RORA: variants seen among roughly 807,000 people sequenced by gnomAD.
RORA encodes RAR related orphan receptor A.
A neutral mutation model predicts 69.5 loss-of-function variants in RORA; 7 were observed. That is an observed-to-expected ratio of 0.10 (90% CI 0.06 to 0.19). The LOEUF (loss-of-function observed/expected upper bound fraction) is 0.19, where lower values mean the gene tolerates loss of function less well. RORA is among the 10% of genes least tolerant of loss of function. The probability of loss-of-function intolerance (pLI) is 1.00; values close to 1 mark genes in which losing one functional copy is unlikely to be tolerated. For missense variants in RORA, 457 were observed against 663.0 expected (o/e 0.69, Z 3.41); for synonymous variants, 261 against 240.8 (o/e 1.08, Z -0.78).
chr15:61,053,848 GAT>G lies in RORA; in HGVS notation c.166+175203_166+175204del, dbSNP rs3053963. Reference sequence around the variant, plus strand: ...AGCATGAAGAGTGTTTAGACTTCATGATATATATATATATAAACATTCTTCAG... The same window carrying G: ...AGCATGAAGAGTGTTTAGACTTCATGATATATATATATAAACATTCTTCAG... On this transcript the variant is annotated intron_variant, in intron 1 of 10. Transcript: ENST00000335670. 2.0e-4 allele frequency among the ~76,000 whole-genome samples: 18 copies of G among 90,982 alleles called. 4 individuals carry two copies. Among genetic ancestry groups the G allele is most frequent in the South Asian group, 9.1e-4 (2 of 2,208 alleles). 59.7% of individuals were successfully genotyped at this position (90,982 alleles called of 152,430 possible). A position where few individuals can be genotyped will look rare whatever the true frequency, so the allele number is the denominator to read the frequency against.
At chr15:61,137,024 A>T (rs1459636440) in intron 1 of RORA, among the ~76,000 whole-genome samples, 1 of 34,698 alleles carries the variant, frequency 2.9e-5, no homozygotes, top group Non-Finnish European at 5.6e-5. Flanking sequence ...AATAAAAAAG[A>T]AAGAAAGAAA....
intron 1 of RORA, among the ~76,000 whole-genome samples, chr15:60,971,051 T>C (rs190809321): frequency 3.7e-3 from 557 of 152,260 alleles, no homozygotes; most frequent in Non-Finnish European, 5.5e-3. Flanking sequence ...CTTTCTTTGT[T>C]TTTGGATGAG....
At chr15:61,135,576 A>G in intron 1 of RORA, among the ~76,000 whole-genome samples, 1 of 71,704 alleles carries the variant, frequency 1.4e-5, no homozygotes, top group Non-Finnish European at 3.0e-5. Context: ...GTATTTCCAC[A>G]TCAAAAAAAA....
At chr15:61,119,092 G>GA (rs1427307038) in intron 1 of RORA, among the ~76,000 whole-genome samples, 2 of 146,052 alleles carry the variant, frequency 1.4e-5, no homozygotes, top group Admixed American at 6.8e-5. Flanking sequence ...GGGGGGGGGG[G>GA]GCGCCATGGA....
intron 1 of RORA, among the ~76,000 whole-genome samples, chr15:61,062,641 G>T (rs1378217135): frequency 2.0e-5 from 3 of 152,164 alleles, no homozygotes; most frequent in African/African-American, 7.2e-5. Flanking sequence ...GACTCTCTGG[G>T]AGCATTTGCA....
intron 1 of RORA, among the ~76,000 whole-genome samples, chr15:60,929,512 C>CAA (rs1892313779): frequency 6.6e-6 from 1 of 152,158 alleles, no homozygotes; most frequent in African/African-American, 2.4e-5. Flanking sequence ...GGAGATAATG[C>CAA]TAGGACAGCC....
chr15:60,861,437 G>T (rs1244122750), intron 1 of RORA, among the ~76,000 whole-genome samples: 5 of 152,172 alleles, frequency 3.3e-5, no homozygotes, highest in African/African-American at 9.7e-5. Flanking sequence ...TGGCTCACCA[G>T]TGTGGCATGG....
chr15:60,991,771 G>C (rs1894387735), intron 1 of RORA, among the ~76,000 whole-genome samples: 1 of 151,852 alleles, frequency 6.6e-6, no homozygotes, highest in South Asian at 2.1e-4. Flanking sequence ...ATCCGGCCTT[G>C]ATGCTGCAAG....
In RORA at chr15:60,547,382, G is replaced by A. The variant is rs975426112; in HGVS notation, c.197-15531C>T. ...TCTGTCACCCAGGCTGGAGTGCAGC[G>A]GCGTGATCTCGGCTCACTGCAACCT... On this transcript the variant is annotated intron_variant, in intron 2 of 10. Transcript: ENST00000335670. 6.6e-5 allele frequency among the ~76,000 whole-genome samples: 10 copies of A among 150,454 alleles called. No individual in the cohort carries two copies. The East Asian group carries it at 9.8e-4, about 15-fold the overall frequency.
intron 1 of RORA, among the ~76,000 whole-genome samples, chr15:61,073,419 T>C (rs1198358049): frequency 6.7e-6 from 1 of 149,766 alleles, no homozygotes; most frequent in South Asian, 2.1e-4. Flanking sequence ...AGGGTTGGAA[T>C]GGGCAGTGAA....
chr15:61,025,505 C>T (rs879900445), intron 1 of RORA, among the ~76,000 whole-genome samples: 10 of 152,128 alleles, frequency 6.6e-5, no homozygotes, highest in Non-Finnish European at 1.2e-4. Context: ...AGAACTTCTT[C>T]CAGTTTCTAG....
chr15:61,051,646 C>T (rs1353016720), intron 1 of RORA, among the ~76,000 whole-genome samples: 1 of 152,144 alleles, frequency 6.6e-6, no homozygotes, highest in African/African-American at 2.4e-5. Context: ...AGCTGTGCCA[C>T]CTAGTGATGC....
At chr15:60,960,513 G>T (rs764915840) in intron 1 of RORA, among the ~76,000 whole-genome samples, 22 of 152,302 alleles carry the variant, frequency 1.4e-4, no homozygotes, top group Non-Finnish European at 2.9e-4. Context: ...GGCTAATTAG[G>T]AGTCTGTGCA....
chr15:60,766,047 T>C (rs1475856854), intron 1 of RORA, among the ~76,000 whole-genome samples: 1 of 152,178 alleles, frequency 6.6e-6, no homozygotes, highest in African/African-American at 2.4e-5. Context: ...GGCTTCTAAA[T>C]TATTTATTAC....
chr15:61,137,083 GAAAGAAAGA>G (rs2079251383), intron 1 of RORA, among the ~76,000 whole-genome samples: 3 of 146,492 alleles, frequency 2.0e-5, no homozygotes, highest in African/African-American at 7.9e-5. Flanking sequence ...AAGAAAGAAA[GAAAGAAAGA>G]AAGAAAGAAA....
intron 1 of RORA, among the ~76,000 whole-genome samples, chr15:60,694,953 T>C (rs915586316): frequency 2.0e-5 from 3 of 152,202 alleles, no homozygotes; most frequent in Admixed American, 2.0e-4. Context: ...CAGCGCAAAG[T>C]GGGATTTATT....
chr15:61,153,676 T>C (rs1427122215), intron 1 of RORA, among the ~76,000 whole-genome samples: 1 of 152,238 alleles, frequency 6.6e-6, no homozygotes, highest in Non-Finnish European at 1.5e-5. Context: ...TGATCAGCTG[T>C]AAATGTTCTT....
chr15:60,982,234 C>T (rs7168987), intron 1 of RORA, among the ~76,000 whole-genome samples: 38,342 of 152,186 alleles, frequency 0.25, 5,142 homozygotes, highest in African/African-American at 0.3. Flanking sequence ...CCTGATTATG[C>T]GTAGCCTAAT....
intron 1 of RORA, among the ~76,000 whole-genome samples, chr15:60,737,352 T>C (rs559841898): frequency 6.6e-6 from 1 of 152,290 alleles, no homozygotes; most frequent in East Asian, 1.9e-4. Flanking sequence ...CCCTAGTAAT[T>C]GCAGGATGGT....
Sources: allele counts gnomAD v4.1 joint callset (sites outside exome capture counted in the v4.1 genomes callset), GRCh38; gene constraint gnomAD v4.1.1; transcripts MANE v1.5; gene names NCBI Gene and HGNC (gene_info 2026-07-23, HGNC 2026-07-21).